RBFOX1: variants seen among roughly 807,000 people sequenced by gnomAD.
The protein encoded by RBFOX1 is RNA binding fox-1 homolog 1, also known as RNA binding protein fox-1 homolog 1.
A neutral mutation model predicts 57.7 loss-of-function variants in RBFOX1; 8 were observed. The ratio of observed to expected loss-of-function variants is 0.14; its 90% CI spans 0.08 to 0.25. RBFOX1 has a LOEUF of 0.25. Ranked by LOEUF, RBFOX1 falls within the 10% of genes least tolerant of loss-of-function variation. The pLI is 1.00. For synonymous variants in RBFOX1, 326 were observed against 222.4 expected (o/e 1.47, Z -4.15); for missense variants, 611 against 548.5 (o/e 1.11, Z -1.14).
intron 3 of RBFOX1, among the ~76,000 whole-genome samples, chr16:5,619,870 C>T (rs1422943205): frequency 1.3e-5 from 2 of 152,192 alleles, no homozygotes; most frequent in African/African-American, 4.8e-5. Context: ...ACTTCCTTCT[C>T]CTGGTGGCCT....
intron 3 of RBFOX1, among the ~76,000 whole-genome samples, chr16:7,014,327 G>A (rs1044918411): frequency 4.0e-5 from 6 of 151,856 alleles, no homozygotes; most frequent in East Asian, 2.0e-4. Flanking sequence ...ATCCTCCCAC[G>A]TCAGCCTCCC....
intron 4 of RBFOX1, among the ~76,000 whole-genome samples, chr16:5,923,537 T>TC (rs2058875703): frequency 7.1e-6 from 1 of 141,084 alleles, no homozygotes. Flanking sequence ...AGGCTTTTTT[T>TC]TTTTTTTTTT....
At chr16:7,166,495 C>T (rs145070367) in intron 4 of RBFOX1, among the ~76,000 whole-genome samples, 87 of 152,108 alleles carry the variant, frequency 5.7e-4, no homozygotes, top group East Asian at 5.6e-3. Context: ...GTAGGAAGAT[C>T]AGAGGTTGGA....
intron 2 of RBFOX1, among the ~76,000 whole-genome samples, chr16:6,448,137 T>TTTTTC (rs202237429): frequency 8.0e-4 from 117 of 145,536 alleles, no homozygotes; most frequent in African/African-American, 2.7e-3. Context: ...ATTTTTCTTT[T>TTTTTC]TTTTCTTTTC....
Position 5,833,735 on chromosome 16 carries a change from AAAG to A in RBFOX1, c.319-33564_319-33562del, listed in dbSNP as rs1220724024. Among the ~76,000 whole-genome samples the A allele has an allele frequency of 1.6e-4, 24 of 152,252 alleles. No individual in the cohort carries two copies. In the East Asian group the frequency reaches 4.5e-3, roughly 28 times the overall value. On this transcript the variant is annotated intron_variant, in intron 3 of 19. Transcript: ENST00000641259. The stretch of plus-strand genomic sequence containing the variant: ...TTGGCACATCTCTCTCTTTTGAGAG[AAAG>A]AAGGAGAGACACATTTATTTTGTTT...
At chr16:5,532,600 T>C (rs886582322) in intron 2 of RBFOX1, among the ~76,000 whole-genome samples, 1 of 152,220 alleles carries the variant, frequency 6.6e-6, no homozygotes, top group Admixed American at 6.5e-5. Context: ...ATTAGTTGAA[T>C]GGATGAATAA....
At chr16:7,234,496 TTG>T (rs1469252849) in intron 4 of RBFOX1, among the ~76,000 whole-genome samples, 1 of 151,942 alleles carries the variant, frequency 6.6e-6, no homozygotes, top group African/African-American at 2.4e-5. Context: ...GGCTCAAAGT[TTG>T]TCTTCTACCA....
At chr16:5,794,580 C>T (rs769653297) in intron 3 of RBFOX1, among the ~76,000 whole-genome samples, 1 of 152,054 alleles carries the variant, frequency 6.6e-6, no homozygotes, top group African/African-American at 2.4e-5. Flanking sequence ...AGCTGTCGGG[C>T]AGGTCAGATG....
chr16:6,882,318 G>A (rs527316885), intron 3 of RBFOX1, among the ~76,000 whole-genome samples: 144 of 152,272 alleles, frequency 9.5e-4, no homozygotes, highest in African/African-American at 3.3e-3. Flanking sequence ...CATCCTTGTT[G>A]TTTGCAATTC....
At chr16:5,322,901 G>C (rs2064453125) in intron 1 of RBFOX1, among the ~76,000 whole-genome samples, 1 of 152,122 alleles carries the variant, frequency 6.6e-6, no homozygotes, top group South Asian at 2.1e-4. Context: ...TTCTCTTCCG[G>C]CATGAATGGG....
chr16:6,755,814 G>A (rs149910382), intron 3 of RBFOX1, among the ~76,000 whole-genome samples: 5 of 151,994 alleles, frequency 3.3e-5, no homozygotes, highest in African/African-American at 7.2e-5. Flanking sequence ...TATTTGGAGC[G>A]ATTATACTTA....
At chr16:6,436,929 C>T (rs913948847) in intron 2 of RBFOX1, among the ~76,000 whole-genome samples, 1 of 152,134 alleles carries the variant, frequency 6.6e-6, no homozygotes, top group African/African-American at 2.4e-5. Flanking sequence ...TCTCTCCAGT[C>T]GATGGGCATA....
At chr16:6,782,882 A>G (rs1231618198) in intron 3 of RBFOX1, among the ~76,000 whole-genome samples, 1 of 152,120 alleles carries the variant, frequency 6.6e-6, no homozygotes, top group Admixed American at 6.6e-5. Context: ...CTTTATCTCT[A>G]ATAATATTTG....
chr16:6,106,698 C>T (rs1031688335), intron 1 of RBFOX1, among the ~76,000 whole-genome samples: 5 of 151,922 alleles, frequency 3.3e-5, no homozygotes, highest in East Asian at 3.9e-4. Flanking sequence ...GACGGAGTGT[C>T]GCTCTGTTGC....
At chr16:7,569,733 G>C (rs1319876905) in intron 5 of RBFOX1, among the ~76,000 whole-genome samples, 1 of 152,182 alleles carries the variant, frequency 6.6e-6, no homozygotes, top group Non-Finnish European at 1.5e-5. Context: ...GCCAGGTGTG[G>C]TGGCTCATGC....
chr16:7,189,527 C>G (rs2084819515), intron 4 of RBFOX1, among the ~76,000 whole-genome samples: 1 of 150,620 alleles, frequency 6.6e-6, no homozygotes, highest in African/African-American at 2.4e-5. Context: ...ATACATTGCC[C>G]CCACTCCAAA....
chr16:6,820,342 C>G (rs1015782931), intron 3 of RBFOX1, among the ~76,000 whole-genome samples: 2 of 152,104 alleles, frequency 1.3e-5, no homozygotes, highest in East Asian at 3.9e-4. Flanking sequence ...TTTTGATTCC[C>G]TAATGGATAG....
chr16:5,937,463 G>A (rs917448263), intron 4 of RBFOX1, among the ~76,000 whole-genome samples: 1 of 151,978 alleles, frequency 6.6e-6, no homozygotes, highest in African/African-American at 2.4e-5. Flanking sequence ...TTAAAGAAAA[G>A]CCCCTGGAAT....
intron 4 of RBFOX1, among the ~76,000 whole-genome samples, chr16:7,165,793 G>A (rs1477188529): frequency 6.6e-6 from 1 of 151,954 alleles, no homozygotes; most frequent in Non-Finnish European, 1.5e-5. Flanking sequence ...TCTGAATAGG[G>A]TGGGGATGTT....
Sources: allele counts gnomAD v4.1 joint callset (sites outside exome capture counted in the v4.1 genomes callset), GRCh38; gene constraint gnomAD v4.1.1; transcripts MANE v1.5; gene names NCBI Gene and HGNC (gene_info 2026-07-23, HGNC 2026-07-21).